The following PARP4 variants were observed in gnomAD, a reference collection of about 807,000 sequenced individuals.
PARP4 encodes protein mono-ADP-ribosyltransferase PARP4.
A neutral mutation model predicts 187.7 loss-of-function variants in PARP4; 120 were observed. The observed-to-expected ratio is 0.64, with a 90% CI of 0.55 to 0.74. PARP4 has a LOEUF of 0.74. PARP4 is among the 30% of genes least tolerant of loss of function. The pLI is 0.00. For synonymous variants in PARP4, 654 were observed against 740.9 expected (o/e 0.88, Z 1.90); for missense variants, 1,836 against 2,070.5 (o/e 0.89, Z 2.20).
chr13:24,455,086 G>C lies in PARP4; in HGVS notation c.2689C>G (p.Gln897Glu), dbSNP rs144361093. 6.0e-5 allele frequency: 96 copies of C among 1,613,172 alleles called. No individual in the cohort carries two copies. The African/African-American group carries it at 1.1e-3, about 19-fold the overall frequency. ...AAGGACAGCGCATGCAAGGCGATTT[G>C]CTTGGCTTGCAAGAATGTCACACCC... ...MEGVTFLQAKQIALHALSLVG... is the reference protein window; with the variant it reads ...MEGVTFLQAKEIALHALSLVG... Residue 897 changes from glutamine (Q) to glutamate (E), a missense_variant, in exon 22 of 34, where the codon CAA becomes GAA. By Grantham distance (29) the Gln-to-Glu change is conservative. This residue lies in a region of PARP4 where 1,147 missense variants were observed against 1,214.2 expected (regional missense o/e 0.94). Coordinates refer to ENST00000381989, the MANE Select transcript of PARP4 (RefSeq NM_006437.4).
chr13:24,475,662 T>G, intron 14 of PARP4, 66 bp from the exon 15 acceptor site: 2 of 1,495,332 alleles, frequency 1.3e-6, no homozygotes, highest in Non-Finnish European at 1.8e-6. Context: ...TATCTTGATC[T>G]TTATTCCTTC....
In PARP4 at chr13:24,442,679, T is replaced by G; in HGVS notation, c.3454A>C (p.Lys1152Gln). Residue 1152 changes from lysine to glutamine, a missense_variant, in exon 29 of 34, where the codon AAA (lysine) becomes CAA (glutamine). Physicochemically the swap from Lys to Gln is moderately conservative, Grantham distance 53 (BLOSUM62 1). Coordinates refer to ENST00000381989, the MANE Select transcript of PARP4 (RefSeq NM_006437.4). Reference protein sequence around the residue: ...HENETSHEMKKQTLKSLIIKL... With the variant: ...HENETSHEMKQQTLKSLIIKL... ...ATAATCAGAGATTTCAAGGTTTGTT[T>G]TTTCATCTAGGATAGAATAAAACAT... is the stretch of plus-strand genomic sequence containing the variant. The G allele has an allele frequency of 6.6e-7, 1 of 1,515,264 alleles. No individual in the cohort carries two copies. The highest frequency in any genetic ancestry group is 9.2e-7 in the Non-Finnish European group (1 of 1,090,040). The allele number at this position is 1,515,264 out of a possible 1,614,324, so 93.9% of individuals were successfully genotyped here.
At chr13:24,472,947 G>C (rs539436363) in intron 15 of PARP4, among the ~76,000 whole-genome samples, 16 of 146,548 alleles carry the variant, frequency 1.1e-4, no homozygotes, top group African/African-American at 3.6e-4. Flanking sequence ...CCAGGTTGGA[G>C]TGCAGTGGTG....
rs200964003 is a variant in PARP4, at chr13:24,500,401, A to G, written c.335-19T>C. ...TTCACTTCTAGAATTAAAAGCAAACAGCACACTTGTTTACTGCCCAAAGAC... is the reference window on the plus strand; with the variant it reads ...TTCACTTCTAGAATTAAAAGCAAACGGCACACTTGTTTACTGCCCAAAGAC... On this transcript the variant is annotated intron_variant, in intron 3 of 33. Transcript: ENST00000381989. 118 of 1,556,258 alleles carry G rather than the reference A, an allele frequency of 7.6e-5. No homozygotes were observed. In the Middle Eastern group the frequency reaches 1.0e-3, roughly 13 times the overall value.
Position 24,499,263 on chromosome 13 carries a change from T to G in PARP4, c.477+38A>C, listed in dbSNP as rs769161101. ...CCAGAAGACATTCAAACAGGTGTGT[T>G]TTTTTTTTTTTTTGCTAACTAGAAA... On this transcript the variant is annotated intron_variant, in intron 5 of 33. Coordinates refer to ENST00000381989, the MANE Select transcript of PARP4 (RefSeq NM_006437.4). 1,331 of 813,602 alleles carry G rather than the reference T, an allele frequency of 1.6e-3. 8 individuals are homozygous for G. In the African/African-American group the frequency reaches 0.025, roughly 16 times the overall value. The allele number at this position is 813,602 out of a possible 1,614,324, so 50.4% of individuals were successfully genotyped here.
chr13:24,484,823 G>T, intron 11 of PARP4, 75 bp from the exon 12 acceptor site: 1 of 967,614 alleles, frequency 1.0e-6, no homozygotes, highest in Admixed American at 1.8e-5. Context: ...ATTTTGGCAG[G>T]TTCCTACTGA....
intron 27 of PARP4, among the ~76,000 whole-genome samples, chr13:24,445,648 C>G (rs1871173103): frequency 6.6e-6 from 1 of 152,158 alleles, no homozygotes; most frequent in Admixed American, 6.5e-5. Flanking sequence ...GCTGTTCATT[C>G]GTATCCTTTA....
At chr13:24,476,901 G>A (rs1335802328) in intron 14 of PARP4, among the ~76,000 whole-genome samples, 1 of 152,160 alleles carries the variant, frequency 6.6e-6, no homozygotes, top group Non-Finnish European at 1.5e-5. Context: ...CTGTCATGCG[G>A]GTACTGCTCT....
At chr13:24,491,938 G>C (rs1240256695) in intron 9 of PARP4, among the ~76,000 whole-genome samples, 1 of 152,198 alleles carries the variant, frequency 6.6e-6, no homozygotes, top group Non-Finnish European at 1.5e-5. Flanking sequence ...TGCAGATCAC[G>C]AGGAAGCCAG....
At chr13:24,509,394 C>A (rs532263471) in intron 1 of PARP4, among the ~76,000 whole-genome samples, 2 of 151,908 alleles carry the variant, frequency 1.3e-5, no homozygotes, top group African/African-American at 4.8e-5. Flanking sequence ...ATGGTCCCAG[C>A]TACTCAGGAG....
chr13:24,493,463 G>T, intron 8 of PARP4, 133 bp downstream of exon 8: 1 of 792,418 alleles, frequency 1.3e-6, no homozygotes, highest in Non-Finnish European at 1.9e-6. Context: ...CTTCAGTACC[G>T]GTACAAGGAA....
chr13:24,453,906 G>A (rs1871670895), intron 22 of PARP4, among the ~76,000 whole-genome samples: 1 of 152,102 alleles, frequency 6.6e-6, no homozygotes, highest in Admixed American at 6.6e-5. Context: ...CCTGAGGTCA[G>A]GAGTTCAAGA....
At chr13:24,482,132 G>C (rs960222173) in intron 12 of PARP4, among the ~76,000 whole-genome samples, 1 of 152,206 alleles carries the variant, frequency 6.6e-6, no homozygotes, top group Admixed American at 6.5e-5. Context: ...GAAGCAGCAG[G>C]AGAACTAGAA....
chr13:24,460,830 C>G (rs1872184736), intron 17 of PARP4, among the ~76,000 whole-genome samples: 1 of 152,112 alleles, frequency 6.6e-6, no homozygotes, highest in African/African-American at 2.4e-5. Flanking sequence ...CACGCACCAC[C>G]ATGCCTGGCT....
At chr13:24,507,070 C>T (rs1044790633) in intron 1 of PARP4, among the ~76,000 whole-genome samples, 2 of 149,086 alleles carry the variant, frequency 1.3e-5, no homozygotes, top group African/African-American at 2.6e-5. Context: ...CCTCACTGTC[C>T]GGGGCCGGCG....
intron 12 of PARP4, among the ~76,000 whole-genome samples, chr13:24,479,347 C>G (rs1319901582): frequency 6.6e-6 from 1 of 152,168 alleles, no homozygotes; most frequent in Non-Finnish European, 1.5e-5. Context: ...TGCTTTCTTC[C>G]TTCTCATTAA....
Position 24,492,437 on chromosome 13 carries a change from T to C in PARP4, c.1037A>G (p.Lys346Arg). The C allele has an allele frequency of 1.2e-6, 2 of 1,613,482 alleles. No individual in the cohort carries two copies. Among genetic ancestry groups the C allele is most frequent in the Non-Finnish European group, 1.7e-6 (2 of 1,179,670 alleles). The change falls in exon 9 of 34, where the codon AAA becomes AGA. Residue 346 changes from lysine (K) to arginine (R), a missense_variant. By Grantham distance (26) the Lys-to-Arg change is conservative. Coordinates refer to ENST00000381989, the MANE Select transcript of PARP4 (RefSeq NM_006437.4). ...GAGGTTTACCTGGCAGAGGTCTGCTTTCTTAGCCAATAGTCCCAGGTTCAC... is the reference window on the plus strand; with the variant it reads ...GAGGTTTACCTGGCAGAGGTCTGCTCTCTTAGCCAATAGTCCCAGGTTCAC... The part of the protein sequence containing the change: ...KEVNLGLLAK[K>R]ADLCQLIRDM...
At chr13:24,453,538 A>T in intron 23 of PARP4, 49 bp downstream of exon 23, 1 of 1,176,388 alleles carries the variant, frequency 8.5e-7, no homozygotes, top group South Asian at 1.2e-5. Context: ...GTCCCCTTAA[A>T]GCATGGTAGG....
At chr13:24,498,044 T>C (rs1360942662) in intron 6 of PARP4, 72 bp downstream of exon 6, 1 of 1,039,140 alleles carries the variant, frequency 9.6e-7, no homozygotes, top group Non-Finnish European at 1.5e-6. Flanking sequence ...GGTTGGGAGG[T>C]CGGCTGATTC....
Sources: gnomAD v4.1 joint callset for allele counts (sites outside exome capture counted in the v4.1 genomes callset) on GRCh38, gnomAD v4.1.1 for gene constraint, gnomAD v4.1.1 regional missense constraint, MANE v1.5 for transcripts, NCBI Gene and HGNC (gene_info 2026-07-23, HGNC 2026-07-21) for gene names.